Variants in ZDHHC6 observed in about 807,000 individuals in gnomAD.
ZDHHC6 encodes palmitoyltransferase ZDHHC6.
ZDHHC6 carries 32 observed loss-of-function variants against 57.8 expected under a neutral mutation model. That is an observed-to-expected ratio of 0.55 (90% CI 0.42 to 0.74). The LOEUF (loss-of-function observed/expected upper bound fraction) is 0.74. ZDHHC6 is among the 30% of genes least tolerant of loss of function. The pLI is 0.00. For synonymous variants in ZDHHC6, 128 were observed against 158.0 expected, an observed-to-expected ratio of 0.81 and a Z score of 1.42; for missense variants, 433 against 500.7, an observed-to-expected ratio of 0.86 and a Z score of 1.29.
chr10:112,432,645 T>C (rs1845152388), intron 8 of ZDHHC6, 124 bp from the exon 9 acceptor site: 4 of 1,168,782 alleles, frequency 3.4e-6, no homozygotes, highest in Non-Finnish European at 4.7e-6. Flanking sequence ...GTTCCCCTTC[T>C]AGGGGAACCT....
In ZDHHC6 at chr10:112,439,669, A is replaced by AAAAAT. The variant is rs757796332; in HGVS notation, c.681+864_681+865insATTTT. On this transcript the variant is annotated intron_variant, in intron 5 of 10. Coordinates refer to ENST00000369405, the MANE Select transcript of ZDHHC6 (RefSeq NM_022494.3). ...AAAAAAAAAAAAAAAAAAAAAAAAA[A>AAAAAT]GAATGAAAAAGAATGGTTTTTGGTC... Among the ~76,000 whole-genome samples the AAAAAT allele has an allele frequency of 3.8e-4, 41 of 108,608 alleles. 5 individuals are homozygous for AAAAAT. Among genetic ancestry groups the AAAAAT allele is most frequent in the Admixed American group, 9.4e-4 (8 of 8,552 alleles). The allele number at this position is 108,608 out of a possible 152,430, so 71.3% of individuals were successfully genotyped here.
intron 10 of ZDHHC6, 50 bp downstream of exon 10, chr10:112,432,190 A>G (rs774338800): frequency 2.6e-6 from 4 of 1,541,192 alleles, no homozygotes; most frequent in Non-Finnish European, 3.5e-6. Context: ...TAAAATTTGG[A>G]ATTATTGCTA....
upstream of ZDHHC6, chr10:112,447,437 A>G: frequency 1.2e-6 from 2 of 1,613,718 alleles, no homozygotes; most frequent in Non-Finnish European, 1.7e-6. Context: ...GATCACCAGC[A>G]AGATTGCGAG....
In ZDHHC6 at chr10:112,443,570, T is replaced by C. The variant is rs761438084; in HGVS notation, c.304A>G (p.Lys102Glu). 3.7e-6 allele frequency: 6 copies of C among 1,613,714 alleles called. No individual in the cohort carries two copies. In the African/African-American group the frequency reaches 8.0e-5, roughly 22 times the overall value. The change falls in exon 3 of 11, where the codon AAA becomes GAA. Residue 102 changes from lysine to glutamate, a missense_variant. Lys to Glu is a moderately conservative substitution (Grantham distance 56). Coordinates refer to ENST00000369405, the MANE Select transcript of ZDHHC6 (RefSeq NM_022494.3). ...GGTGCCTTGTATGCTTGGCAGACTT[T>C]ACAATACTGGAGATACATGGTATCC... ...SQDTMYLQYC[K>E]VCQAYKAPRS...
chr10:112,439,977 A>G (rs966636390), intron 5 of ZDHHC6, among the ~76,000 whole-genome samples: 3 of 152,120 alleles, frequency 2.0e-5, no homozygotes, highest in African/African-American at 7.2e-5. Flanking sequence ...GTGCTCAATA[A>G]ATGTTAGCTA....
In ZDHHC6 at chr10:112,446,572, G is replaced by C. The variant is rs952457374; in HGVS notation, c.-215+133C>G. ...CCCGAGTCATGGAGCAGAGGGCTTAGAAATAAATCCTCACCCAAGGAAGAA... is the reference window on the plus strand; with the variant it reads ...CCCGAGTCATGGAGCAGAGGGCTTACAAATAAATCCTCACCCAAGGAAGAA... On this transcript the variant is annotated intron_variant, in intron 1 of 10. Transcript: ENST00000369405. The C allele has an allele frequency of 3.3e-5, 5 of 152,336 alleles. No homozygotes were observed. The East Asian group carries it at 9.7e-4, about 30-fold the overall frequency. 9.4% of individuals were successfully genotyped at this position (152,336 alleles called of 1,614,324 possible).
chr10:112,442,460 ACG>A, intron 3 of ZDHHC6, 109 bp from the exon 4 acceptor site: 1 of 1,105,196 alleles, frequency 9.0e-7, no homozygotes, highest in Non-Finnish European at 1.3e-6. Flanking sequence ...TCCATGAGCT[ACG>A]AGAGAATTAT....
At chr10:112,433,393 T>C in intron 7 of ZDHHC6, 112 bp from the exon 8 acceptor site, 2 of 828,428 alleles carry the variant, frequency 2.4e-6, no homozygotes, top group Non-Finnish European at 1.8e-6. Flanking sequence ...TTTTCCAGCA[T>C]TTCAAGTTGC....
downstream of ZDHHC6, chr10:112,427,294 G>A (rs372264757): frequency 8.1e-6 from 13 of 1,613,630 alleles, no homozygotes; most frequent in African/African-American, 1.3e-5. Context: ...AAAGCAAAGC[G>A]AGGAGAGCTT....
intron 5 of ZDHHC6, among the ~76,000 whole-genome samples, chr10:112,439,665 A>AAATG (rs1845913389): frequency 7.4e-6 from 1 of 135,152 alleles, no homozygotes; most frequent in Non-Finnish European, 1.6e-5. Flanking sequence ...AAAAAAAAAA[A>AAATG]AAAAGAATGA....
upstream of ZDHHC6, chr10:112,447,211 C>A (rs1846861779): frequency 4.7e-6 from 3 of 641,856 alleles, no homozygotes; most frequent in Non-Finnish European, 5.1e-6. Context: ...ACCGAGATTG[C>A]GACGAACAAC....
At chr10:112,425,636 A>G (rs2133685148), downstream of ZDHHC6, 2 of 667,852 alleles carry the variant, frequency 3.0e-6, no homozygotes, top group East Asian at 6.5e-5. Context: ...CAAACCTCAA[A>G]TAAGGCAATT....
chr10:112,430,701 A>G lies in ZDHHC6; in HGVS notation c.*103T>C. The G allele has an allele frequency of 1.0e-6, 1 of 977,416 alleles. No homozygotes were observed. Among genetic ancestry groups the G allele is most frequent in the East Asian group, 2.7e-5 (1 of 37,232 alleles). The allele number at this position is 977,416 out of a possible 1,614,324, so 60.5% of individuals were successfully genotyped here. ...TGGCACTAGGGCACCTTTGAGGAAA[A>G]GAACATCTTAACCAGAGTAGGCTCA... On this transcript the variant is annotated 3_prime_UTR_variant, in exon 11 of 11. Coordinates refer to ENST00000369405, the MANE Select transcript of ZDHHC6 (RefSeq NM_022494.3).
At position 112,432,393 on chromosome 10, in the gene ZDHHC6, T is replaced by A; in HGVS notation, c.1074A>T (p.Leu358Phe). Reference sequence around the variant, plus strand: ...TTACTTACCGTAAACCTCTTGTGGCTAAAATGAATTCCCCTTTTTGCAGCT... The same window carrying A: ...TTACTTACCGTAAACCTCTTGTGGCAAAAATGAATTCCCCTTTTTGCAGCT... ...RIQLQKGEFI[L>F]ATRGLRYWLY... The change falls in exon 9 of 11, where the codon TTA becomes TTT. Residue 358 changes from leucine to phenylalanine, a missense_variant. By Grantham distance (22) the Leu-to-Phe change is conservative (BLOSUM62 0). Transcript: ENST00000369405. 1 of 1,614,188 alleles carries A rather than the reference T, an allele frequency of 6.2e-7. No individual in the cohort carries two copies. The highest frequency in any genetic ancestry group is 8.5e-7 in the Non-Finnish European group (1 of 1,180,016).
chr10:112,431,203 G>T (rs1222187586), intron 10 of ZDHHC6, among the ~76,000 whole-genome samples: 1 of 152,194 alleles, frequency 6.6e-6, no homozygotes, highest in Non-Finnish European at 1.5e-5. Context: ...ACTTATATGT[G>T]TATGATCAGG....
intron 5 of ZDHHC6, among the ~76,000 whole-genome samples, chr10:112,438,718 GCTTA>G (rs1845786227): frequency 6.6e-6 from 1 of 151,910 alleles, no homozygotes; most frequent in Non-Finnish European, 1.5e-5. Context: ...TTTAATCAGT[GCTTA>G]CTTATAATTT....
At chr10:112,439,962 A>AATAAGTG (rs1267944448) in intron 5 of ZDHHC6, among the ~76,000 whole-genome samples, 1 of 152,134 alleles carries the variant, frequency 6.6e-6, no homozygotes, top group East Asian at 1.9e-4. Context: ...CCTTACACAT[A>AATAAGTG]ATAAGTGCTC....
At chr10:112,444,910 C>A (rs1298804854) in intron 2 of ZDHHC6, among the ~76,000 whole-genome samples, 1 of 152,002 alleles carries the variant, frequency 6.6e-6, no homozygotes, top group African/African-American at 2.4e-5. Flanking sequence ...CCTATCCCAC[C>A]TCCACCCCAC....
rs1335555218 is a variant in ZDHHC6 at position 112,440,441 on chromosome 10, A to AC, written c.681+92_681+93insG. ...AATAAGCAAAAATAATTTCCATTTCATACTGGACACTTAAATACAGGCTTT... is the reference window on the plus strand; with the variant it reads ...AATAAGCAAAAATAATTTCCATTTCACTACTGGACACTTAAATACAGGCTTT... On this transcript the variant is annotated intron_variant, in intron 5 of 10. Coordinates refer to ENST00000369405, the MANE Select transcript of ZDHHC6 (RefSeq NM_022494.3). 19 of 1,328,242 alleles carry AC rather than the reference A, an allele frequency of 1.4e-5. 1 individual carries two copies. The highest frequency in any genetic ancestry group is 2.9e-5 in the African/African-American group (2 of 68,162). The allele number at this position is 1,328,242 out of a possible 1,614,324, so 82.3% of individuals were successfully genotyped here. A position where few individuals can be genotyped will look rare whatever the true frequency, so the allele number is the denominator to read the frequency against.
Sources: allele counts gnomAD v4.1 joint callset (sites outside exome capture counted in the v4.1 genomes callset), GRCh38; gene constraint gnomAD v4.1.1; transcripts MANE v1.5; gene names NCBI Gene and HGNC (gene_info 2026-07-23, HGNC 2026-07-21).